Variants in COL5A1 observed in about 807,000 individuals in gnomAD.
The protein encoded by COL5A1 is collagen alpha-1(V) chain.
A neutral mutation model predicts 263.7 loss-of-function variants in COL5A1; 16 were observed. The ratio of observed to expected loss-of-function variants is 0.06; its 90% CI spans 0.04 to 0.09. The LOEUF is 0.09. Among genes scored for constraint, COL5A1 ranks in the 10% least tolerant of loss-of-function variants. COL5A1 has a pLI of 1.00. For missense variants in COL5A1, 2,036 were observed against 2,540.5 expected (o/e 0.80, Z 4.27); for synonymous variants, 1,012 against 1,004.5 (o/e 1.01, Z -0.14).
intron 1 of COL5A1, among the ~76,000 whole-genome samples, chr9:134,655,323 C>G (rs1027971457): frequency 1.3e-5 from 2 of 151,874 alleles, no homozygotes; most frequent in Non-Finnish European, 2.9e-5. Context: ...CCGAGGGAGG[C>G]GGAGGTGGAG....
chr9:134,802,241 A>C (rs908635942), intron 38 of COL5A1, among the ~76,000 whole-genome samples: 1 of 152,318 alleles, frequency 6.6e-6, no homozygotes, highest in African/African-American at 2.4e-5. Flanking sequence ...AGGCTGCCCA[A>C]GGCTCACAGG....
Position 134,815,927 on chromosome 9 carries a change from C to T in COL5A1, c.4069-8C>T. ...GGTTCAGCAAGGAGCTCGCTTTTGC[C>T]TCCATAGGGTCAAGATGGTCCCCCT... is the stretch of plus-strand genomic sequence containing the variant. On this transcript the variant is annotated splice_region_variant and splice_polypyrimidine_tract_variant and intron_variant, in intron 51 of 65. Transcript: ENST00000371817. 6.2e-7 allele frequency: 1 copy of T among 1,614,138 alleles called. No individual in the cohort carries two copies. The highest frequency in any genetic ancestry group is 8.5e-7 in the Non-Finnish European group (1 of 1,180,012).
intron 19 of COL5A1, 47 bp from the exon 20 acceptor site, chr9:134,763,646 A>G: frequency 6.3e-7 from 1 of 1,591,028 alleles, no homozygotes; most frequent in Non-Finnish European, 8.6e-7. Context: ...GCTGGTGTCC[A>G]GGCTAACAGC....
intron 31 of COL5A1, among the ~76,000 whole-genome samples, chr9:134,788,428 A>T (rs1467441582): frequency 7.1e-6 from 1 of 140,570 alleles, no homozygotes; most frequent in African/African-American, 2.7e-5. Flanking sequence ...AAATGGATGA[A>T]TGGTTAGGTG....
At chr9:134,709,394 G>C (rs1424938462) in intron 4 of COL5A1, among the ~76,000 whole-genome samples, 1 of 152,226 alleles carries the variant, frequency 6.6e-6, no homozygotes, top group Non-Finnish European at 1.5e-5. Flanking sequence ...CTGCCTGGCT[G>C]GCTGGAGCCA....
intron 1 of COL5A1, among the ~76,000 whole-genome samples, chr9:134,654,615 G>GTT (rs1391520390): frequency 2.3e-5 from 3 of 128,870 alleles, no homozygotes. Flanking sequence ...GGCTGAGGGT[G>GTT]TGTAGGGCTG....
intron 19 of COL5A1, among the ~76,000 whole-genome samples, 189 bp downstream of exon 19, chr9:134,762,167 T>C (rs1021088050): frequency 5.3e-5 from 8 of 152,150 alleles, no homozygotes; most frequent in African/African-American, 1.9e-4. Flanking sequence ...CTGCGGGGCA[T>C]TGGAGAGACC....
At chr9:134,663,721 C>T (rs1041484202) in intron 1 of COL5A1, among the ~76,000 whole-genome samples, 3 of 152,208 alleles carry the variant, frequency 2.0e-5, no homozygotes, top group Non-Finnish European at 4.4e-5. Context: ...CCTAGACCAT[C>T]CCTAGGCCTC....
At chr9:134,730,604 A>G (rs1230324134) in intron 7 of COL5A1, 129 bp downstream of exon 7, 1 of 1,328,258 alleles carries the variant, frequency 7.5e-7, no homozygotes, top group Admixed American at 1.8e-5. Flanking sequence ...CCTGTGTTCC[A>G]CCACACCCTG....
In COL5A1 at chr9:134,728,656, C is replaced by A. The variant is rs765476815; in HGVS notation, c.787-14C>A. 5.0e-6 allele frequency: 8 copies of A among 1,613,880 alleles called. No individual in the cohort carries two copies. The highest frequency in any genetic ancestry group is 1.7e-5 in the Admixed American group (1 of 60,032). ...GCTCCGCTGCTTCCTCACGGGGCCG[C>A]AATTCGCTTTCAGTACACGGAAGGA... On this transcript the variant is annotated splice_polypyrimidine_tract_variant and intron_variant, in intron 5 of 65. Coordinates refer to ENST00000371817, the MANE Select transcript of COL5A1 (RefSeq NM_000093.5).
chr9:134,798,605 G>T, intron 37 of COL5A1, 144 bp downstream of exon 37: 1 of 222,388 alleles, frequency 4.5e-6, no homozygotes, highest in Non-Finnish European at 7.0e-6. Context: ...CCCAAGGGCC[G>T]GGCCGGCTTC....
intron 24 of COL5A1, 35 bp downstream of exon 24, chr9:134,767,389 C>T (rs749568582): frequency 6.2e-6 from 10 of 1,601,038 alleles, no homozygotes; most frequent in Middle Eastern, 3.4e-4. Flanking sequence ...AGGCCACTGC[C>T]CGCCTGCAGG....
chr9:134,705,672 C>T (rs1008829617), intron 4 of COL5A1, among the ~76,000 whole-genome samples: 2 of 152,234 alleles, frequency 1.3e-5, no homozygotes, highest in African/African-American at 2.4e-5. Context: ...CGCAGGGAAC[C>T]ACCTTGTCCT....
intron 64 of COL5A1, 44 bp downstream of exon 64, chr9:134,830,088 G>C (rs767495961): frequency 6.2e-7 from 1 of 1,613,336 alleles, no homozygotes; most frequent in African/African-American, 1.3e-5. Flanking sequence ...CTTTAAACCC[G>C]CCCATCTCGT....
rs538435802 is a variant in COL5A1 at position 134,754,214 on chromosome 9, G to A, written c.1774-59G>A. On this transcript the variant is annotated intron_variant, in intron 15 of 65. Transcript: ENST00000371817. This position sits in a 1 kb window ranked among gnomAD's most constrained non-coding sequence, Gnocchi z 4.3. ...TCGATGAGCACAGGGACAAGGCTTT[G>A]CTCTTTCTCCTGAGAAAGGCGGACT... is the stretch of plus-strand genomic sequence containing the variant. The A allele has an allele frequency of 3.5e-5, 54 of 1,564,048 alleles. No individual in the cohort carries two copies. The South Asian group carries it at 5.1e-4, about 15-fold the overall frequency.
intron 36 of COL5A1, among the ~76,000 whole-genome samples, chr9:134,797,166 C>G (rs1293047048): frequency 6.6e-6 from 1 of 151,334 alleles, no homozygotes; most frequent in African/African-American, 2.5e-5. Flanking sequence ...GGGGTCCTCT[C>G]TCCTTGAGAC....
chr9:134,762,083 G>A lies in COL5A1; in HGVS notation c.1989+105G>A, dbSNP rs867822419. On this transcript the variant is annotated intron_variant, in intron 19 of 65. Transcript: ENST00000371817. ...GGCCCAGGTGTGGGATTGGCCTGCC[G>A]CATGTGGAGGGCCAGCTGGGAGAAG... is the stretch of plus-strand genomic sequence containing the variant. 11 of 1,166,138 alleles carry A rather than the reference G, an allele frequency of 9.4e-6. No homozygotes were observed. The Middle Eastern group carries it at 1.2e-3, about 130-fold the overall frequency. The allele number at this position is 1,166,138 out of a possible 1,614,324, so 72.2% of individuals were successfully genotyped here.
chr9:134,692,336 C>T (rs1197330729), intron 2 of COL5A1, among the ~76,000 whole-genome samples: 1 of 152,182 alleles, frequency 6.6e-6, no homozygotes, highest in African/African-American at 2.4e-5. Flanking sequence ...CAGCCTGTCC[C>T]CGCAAAGGAC....
At chr9:134,761,479 C>T (rs1267475188) in intron 18 of COL5A1, among the ~76,000 whole-genome samples, 1 of 152,250 alleles carries the variant, frequency 6.6e-6, no homozygotes, top group East Asian at 1.9e-4. Flanking sequence ...CTGTCCCTGA[C>T]TCAGCTCCAG....
Sources: gnomAD v4.1 joint callset for allele counts (sites outside exome capture counted in the v4.1 genomes callset) on GRCh38, gnomAD v4.1.1 for gene constraint, Gnocchi (gnomAD v3.1) non-coding constraint, MANE v1.5 for transcripts, NCBI Gene and HGNC (gene_info 2026-07-23, HGNC 2026-07-21) for gene names.